Variants in GOSR2 observed in about 807,000 individuals in gnomAD.
GOSR2 encodes golgi SNAP receptor complex member 2, also known as 27 kDa Golgi SNARE protein.
Under a neutral mutation model 27.9 loss-of-function variants are expected in GOSR2, and 20 were observed. The ratio of observed to expected loss-of-function variants is 0.72; its 90% CI spans 0.50 to 1.04. The LOEUF (loss-of-function observed/expected upper bound fraction) is 1.04, where lower values mean the gene tolerates loss of function less well. Among genes scored for constraint, GOSR2 ranks in the 50% least tolerant of loss-of-function variants. The pLI, the probability that GOSR2 is intolerant of heterozygous loss-of-function variation, is 0.00. For synonymous variants in GOSR2, 91 were observed against 98.8 expected (o/e 0.92, Z 0.47); for missense variants, 261 against 270.5 (o/e 0.97, Z 0.25).
In GOSR2 at chr17:46,929,731, G is replaced by A; in HGVS notation, c.94+147G>A. 6.3e-6 allele frequency: 4 copies of A among 638,956 alleles called. No individual in the cohort carries two copies. In the Admixed American group the frequency reaches 9.1e-5, roughly 14 times the overall value. 39.6% of individuals were successfully genotyped at this position (638,956 alleles called of 1,614,324 possible). A position where few individuals can be genotyped will look rare whatever the true frequency, so the allele number is the denominator to read the frequency against. Reference sequence around the variant, plus strand: ...TTAGGGTGGACAGAAAAACCCTATGGCAAAGTCACTGATTTCCCTGAGTGT... The same window carrying A: ...TTAGGGTGGACAGAAAAACCCTATGACAAAGTCACTGATTTCCCTGAGTGT... On this transcript the variant is annotated intron_variant, in intron 2 of 5. Coordinates refer to ENST00000640051, the MANE Select transcript of GOSR2 (RefSeq NM_004287.5).
chr17:46,958,145 CA>C (rs1356511155), intron 6 of GOSR2, among the ~76,000 whole-genome samples: 1 of 152,144 alleles, frequency 6.6e-6, no homozygotes, highest in African/African-American at 2.4e-5. Context: ...AGCAACTGGC[CA>C]GGGGGCCTCA....
chr17:46,945,813 C>T (rs1232191088), downstream of GOSR2, among the ~76,000 whole-genome samples: 1 of 152,180 alleles, frequency 6.6e-6, no homozygotes, highest in East Asian at 1.9e-4. Flanking sequence ...ACTGCTGCCC[C>T]CAGGACCTCA....
intron 6 of GOSR2, chr17:46,964,172 G>A (rs546817703): frequency 3.3e-5 from 5 of 152,108 alleles, no homozygotes; most frequent in African/African-American, 9.7e-5. Flanking sequence ...CAGGTGTTAG[G>A]GACCATCTTA....
chr17:46,971,022 T>A (rs1328101351), downstream of GOSR2, among the ~76,000 whole-genome samples: 1 of 152,228 alleles, frequency 6.6e-6, no homozygotes, highest in Non-Finnish European at 1.5e-5. Flanking sequence ...TTTTTCTTTT[T>A]TTTGTTGCTA....
At chr17:46,961,355 T>C (rs1453495919) in intron 6 of GOSR2, among the ~76,000 whole-genome samples, 3 of 152,032 alleles carry the variant, frequency 2.0e-5, no homozygotes, top group Non-Finnish European at 4.4e-5. Context: ...CTTGGCAACA[T>C]AGTGAGACCC....
At chr17:46,929,927 T>C (rs1433473789) in intron 2 of GOSR2, 1 of 240,714 alleles carries the variant, frequency 4.2e-6, no homozygotes, top group Non-Finnish European at 8.2e-6. Flanking sequence ...GGCCATTTCT[T>C]CTGAGCTGAG....
exon 7 of GOSR2, chr17:46,966,632 A>G: frequency 1.5e-6 from 1 of 661,356 alleles, no homozygotes; most frequent in Non-Finnish European, 2.8e-6. Context: ...TATAGGTATG[A>G]GCCACCACCC....
At position 46,932,559 on chromosome 17, in the gene GOSR2, A is replaced by G. The variant is rs1471873589; in HGVS notation, c.336+360A>G. ...TTAGGCCATTTGTAGAGAAGGCAGC[A>G]TTTCAAAGCTGCCTGCGGGCAGTTG... On this transcript the variant is annotated intron_variant, in intron 4 of 5. Transcript: ENST00000640051. 6 of 499,944 alleles carry G rather than the reference A, an allele frequency of 1.2e-5. No homozygotes were observed. In the East Asian group the frequency reaches 2.0e-4, roughly 17 times the overall value. The allele number at this position is 499,944 out of a possible 1,614,324, so 31.0% of individuals were successfully genotyped here.
chr17:46,962,355 G>T (rs2091109482), intron 6 of GOSR2, among the ~76,000 whole-genome samples: 1 of 151,732 alleles, frequency 6.6e-6, no homozygotes, highest in African/African-American at 2.4e-5. Context: ...ATTGATCAGT[G>T]TAGTAGTTGA....
intron 2 of GOSR2, 54 bp downstream of exon 2, chr17:46,929,638 T>C (rs2087010021): frequency 3.4e-6 from 3 of 886,358 alleles, no homozygotes. Flanking sequence ...AGGGTGCTAA[T>C]GGGCTGGGCT....
chr17:46,939,183 A>C lies in GOSR2; in HGVS notation c.*423A>C. The C allele has an allele frequency of 3.7e-6, 4 of 1,087,252 alleles. No individual in the cohort carries two copies. The highest frequency in any genetic ancestry group is 4.5e-6 in the Non-Finnish European group (4 of 887,500). 67.4% of individuals were successfully genotyped at this position (1,087,252 alleles called of 1,614,324 possible). On this transcript the variant is annotated 3_prime_UTR_variant, in exon 6 of 6. Coordinates refer to ENST00000640051, the MANE Select transcript of GOSR2 (RefSeq NM_004287.5). Reference sequence around the variant, plus strand: ...CTGATAGGGTGGAGCAAAAGTGGAAAGGAAAGGAAAGAGGCCTTTTCTCAC... The same window carrying C: ...CTGATAGGGTGGAGCAAAAGTGGAACGGAAAGGAAAGAGGCCTTTTCTCAC...
At chr17:46,965,570 G>C (rs543818529) in intron 6 of GOSR2, among the ~76,000 whole-genome samples, 2 of 152,210 alleles carry the variant, frequency 1.3e-5, no homozygotes, top group African/African-American at 4.8e-5. Context: ...GGAAATCCTC[G>C]TGGTTTCTGC....
chr17:46,940,421 C>CT lies in GOSR2; in HGVS notation c.*1662dup. ...GCAGCATCTTTAGACCTAGATCTGT[C>CT]TAACTCTGGGGAGGCACATTGACAT... On this transcript the variant is annotated 3_prime_UTR_variant, in exon 6 of 6. Coordinates refer to ENST00000640051, the MANE Select transcript of GOSR2 (RefSeq NM_004287.5). 1 of 1,597,452 alleles carries CT rather than the reference C, an allele frequency of 6.3e-7. No individual in the cohort carries two copies. Among genetic ancestry groups the CT allele is most frequent in the Non-Finnish European group, 8.5e-7 (1 of 1,177,002 alleles).
At chr17:46,923,991 A>C in intron 1 of GOSR2, 1 of 397,148 alleles carries the variant, frequency 2.5e-6, no homozygotes, top group Non-Finnish European at 4.4e-6. Context: ...TATACACAAC[A>C]TAAGATTTAC....
chr17:46,945,221 A>C (rs2089740459), downstream of GOSR2, among the ~76,000 whole-genome samples: 1 of 152,126 alleles, frequency 6.6e-6, no homozygotes, highest in African/African-American at 2.4e-5. Context: ...CTGAGGCCTG[A>C]TGTGCTGTCT....
chr17:46,951,705 CA>C (rs2090362226), intron 6 of GOSR2, among the ~76,000 whole-genome samples: 3 of 152,172 alleles, frequency 2.0e-5, no homozygotes, highest in Admixed American at 2.0e-4. Flanking sequence ...AGGGTTGCCC[CA>C]AAGTCAGATA....
chr17:46,951,803 C>G (rs2090369856), intron 6 of GOSR2, among the ~76,000 whole-genome samples: 1 of 152,158 alleles, frequency 6.6e-6, no homozygotes, highest in Non-Finnish European at 1.5e-5. Flanking sequence ...GGAGAACACA[C>G]AGGGCCCTCT....
At chr17:46,943,892 C>G (rs1014001172), downstream of GOSR2, among the ~76,000 whole-genome samples, 5 of 152,184 alleles carry the variant, frequency 3.3e-5, no homozygotes, top group African/African-American at 2.4e-5. Context: ...AGTCCTGAAT[C>G]CTGGCGATCC....
rs996454053 is a variant in GOSR2 at position 46,936,277 on chromosome 17, T to G, written c.477+1108T>G. ...TATCTCAGAAAAACAGTAGAGGCCTTTTAGGACCAAACTCCATGTCACACT... is the reference window on the plus strand; with the variant it reads ...TATCTCAGAAAAACAGTAGAGGCCTGTTAGGACCAAACTCCATGTCACACT... On this transcript the variant is annotated intron_variant, in intron 5 of 5. Coordinates refer to ENST00000640051, the MANE Select transcript of GOSR2 (RefSeq NM_004287.5). The G allele has an allele frequency of 1.7e-5, 17 of 985,240 alleles. No homozygotes were observed. In the African/African-American group the frequency reaches 3.0e-4, roughly 17 times the overall value. The allele number at this position is 985,240 out of a possible 1,614,324, so 61.0% of individuals were successfully genotyped here. A position where few individuals can be genotyped will look rare whatever the true frequency, so the allele number is the denominator to read the frequency against.
Sources: gnomAD v4.1 joint callset for allele counts (sites outside exome capture counted in the v4.1 genomes callset) on GRCh38, gnomAD v4.1.1 for gene constraint, MANE v1.5 for transcripts, NCBI Gene and HGNC (gene_info 2026-07-23, HGNC 2026-07-21) for gene names.